Variants in FBXL17 observed in about 807,000 individuals in gnomAD.
FBXL17 encodes the protein F-box and leucine rich repeat protein 17.
A neutral mutation model predicts 66.2 loss-of-function variants in FBXL17; 22 were observed. The observed-to-expected ratio is 0.33, with a 90% CI of 0.24 to 0.47. The LOEUF (loss-of-function observed/expected upper bound fraction) is 0.47, where lower values mean the gene tolerates loss of function less well. FBXL17 is among the 20% of genes least tolerant of loss of function. FBXL17 has a pLI of 1.00. For synonymous variants in FBXL17, 474 were observed against 400.5 expected (o/e 1.18, Z -2.19); for missense variants, 878 against 948.2 (o/e 0.93, Z 0.97).
chr5:108,165,415 G>A (rs1220622663), intron 6 of FBXL17, among the ~76,000 whole-genome samples: 1 of 152,174 alleles, frequency 6.6e-6, no homozygotes, highest in Non-Finnish European at 1.5e-5. Flanking sequence ...AAAATCTACT[G>A]TGTGTATGCT....
At chr5:108,017,832 T>C (rs1265103672) in intron 7 of FBXL17, among the ~76,000 whole-genome samples, 1 of 152,192 alleles carries the variant, frequency 6.6e-6, no homozygotes, top group East Asian at 1.9e-4. Context: ...ACCATAAATA[T>C]CTATGTTCAG....
At chr5:108,071,104 A>G (rs1482928976) in intron 6 of FBXL17, among the ~76,000 whole-genome samples, 2 of 152,252 alleles carry the variant, frequency 1.3e-5, no homozygotes, top group Admixed American at 6.5e-5. Flanking sequence ...TGACAACAGT[A>G]TATGTTCACT....
chr5:108,305,236 C>T (rs1758780445), intron 4 of FBXL17, among the ~76,000 whole-genome samples: 1 of 152,022 alleles, frequency 6.6e-6, no homozygotes, highest in Non-Finnish European at 1.5e-5. Context: ...ACCACATGTT[C>T]TCACATATAG....
intron 4 of FBXL17, among the ~76,000 whole-genome samples, chr5:108,276,572 T>C (rs1441610691): frequency 6.6e-6 from 1 of 152,178 alleles, no homozygotes; most frequent in Non-Finnish European, 1.5e-5. Flanking sequence ...CTATTTATAA[T>C]GATCTCTGAC....
intron 5 of FBXL17, among the ~76,000 whole-genome samples, chr5:108,205,048 C>G (rs1441678431): frequency 6.6e-6 from 1 of 151,658 alleles, no homozygotes; most frequent in Non-Finnish European, 1.5e-5. Flanking sequence ...GCAGCTAGGA[C>G]CATAGCATGT....
intron 7 of FBXL17, among the ~76,000 whole-genome samples, chr5:107,960,074 G>A (rs986557382): frequency 6.6e-6 from 1 of 152,136 alleles, no homozygotes; most frequent in Non-Finnish European, 1.5e-5. Context: ...GAAATCCGGA[G>A]AACTCTGTGA....
chr5:107,949,639 A>C (rs1751434198), intron 7 of FBXL17, among the ~76,000 whole-genome samples: 1 of 152,168 alleles, frequency 6.6e-6, no homozygotes, highest in African/African-American at 2.4e-5. Context: ...CTGAATGATC[A>C]CCCTTTTAGA....
At chr5:107,888,226 T>C (rs1160264283) in intron 7 of FBXL17, among the ~76,000 whole-genome samples, 1 of 152,236 alleles carries the variant, frequency 6.6e-6, no homozygotes, top group Non-Finnish European at 1.5e-5. Flanking sequence ...GTTTGTTTCA[T>C]GTTAAAATTA....
intron 6 of FBXL17, among the ~76,000 whole-genome samples, chr5:108,080,344 T>C (rs1748714682): frequency 6.6e-6 from 1 of 152,216 alleles, no homozygotes; most frequent in African/African-American, 2.4e-5. Flanking sequence ...TTCAACCAAA[T>C]TGCCATCACG....
intron 4 of FBXL17, among the ~76,000 whole-genome samples, chr5:108,345,510 C>T (rs1470049751): frequency 6.6e-6 from 1 of 150,550 alleles, no homozygotes; most frequent in Non-Finnish European, 1.5e-5. Context: ...AAACTAGTGC[C>T]ACAAATAAAA....
In FBXL17 at chr5:108,381,155, G is replaced by A; in HGVS notation, c.537C>T (p.Phe179=). 2 of 1,410,406 alleles carry A rather than the reference G, an allele frequency of 1.4e-6. No homozygotes were observed. The highest frequency in any genetic ancestry group is 1.8e-6 in the Non-Finnish European group (2 of 1,084,438). The allele number at this position is 1,410,406 out of a possible 1,614,324, so 87.4% of individuals were successfully genotyped here. ...FLGPPAAVQL[F]RGPTPSPAEL... is the part of the protein sequence containing the mutation. ...CGGCCGGTGACGGTGTCGGCCCCCGGAAGAGCTGCACGGCGGCGGGCGGCC... is the reference window on the plus strand; with the variant it reads ...CGGCCGGTGACGGTGTCGGCCCCCGAAAGAGCTGCACGGCGGCGGGCGGCC... The change falls in exon 1 of 9, where the codon TTC becomes TTT. Residue 179 remains phenylalanine (F), a synonymous_variant. Transcript: ENST00000542267.
At chr5:107,891,409 G>A (rs1365796869) in intron 7 of FBXL17, among the ~76,000 whole-genome samples, 1 of 152,126 alleles carries the variant, frequency 6.6e-6, no homozygotes, top group Non-Finnish European at 1.5e-5. Context: ...AACTTTCAAC[G>A]AATTGCTCCA....
intron 6 of FBXL17, among the ~76,000 whole-genome samples, chr5:108,137,235 ACATT>A (rs1751169803): frequency 6.6e-6 from 1 of 152,190 alleles, no homozygotes; most frequent in African/African-American, 2.4e-5. Context: ...TTGTAAGTAT[ACATT>A]ATTTCATTCT....
At chr5:108,014,156 T>G (rs1754291478) in intron 7 of FBXL17, among the ~76,000 whole-genome samples, 1 of 152,166 alleles carries the variant, frequency 6.6e-6, no homozygotes, top group South Asian at 2.1e-4. Context: ...TAATTTCCTA[T>G]ACCTATAGAA....
chr5:107,869,727 T>G (rs1303007294), intron 8 of FBXL17, among the ~76,000 whole-genome samples: 1 of 152,154 alleles, frequency 6.6e-6, no homozygotes, highest in Non-Finnish European at 1.5e-5. Context: ...GAACTAGGAA[T>G]CCAGTGCCGC....
rs78292411 is a variant in FBXL17, at chr5:108,358,950, T to C, written c.1374+5788A>G. On this transcript the variant is annotated intron_variant, in intron 3 of 8. Coordinates refer to ENST00000542267, the MANE Select transcript of FBXL17 (RefSeq NM_001163315.3). The stretch of plus-strand genomic sequence containing the variant: ...TGCCCTAGCTGGAGTGCAGTGAATA[T>C]AGCTTCAGCCTCCTGGGCTCAAGCA... Among the ~76,000 whole-genome samples the C allele has an allele frequency of 1.8e-3, 268 of 152,152 alleles. 2 individuals are homozygous for C. The highest frequency in any genetic ancestry group is 6.2e-3 in the African/African-American group (258 of 41,544).
At chr5:107,994,230 A>C (rs574747449) in intron 7 of FBXL17, among the ~76,000 whole-genome samples, 1 of 152,314 alleles carries the variant, frequency 6.6e-6, no homozygotes, top group Admixed American at 6.5e-5. Context: ...TATTGATTTT[A>C]AAAATAAAAT....
At position 108,001,058 on chromosome 5, in the gene FBXL17, A is replaced by G. The variant is rs1470110298; in HGVS notation, c.1822+19867T>C. 2.0e-5 allele frequency among the ~76,000 whole-genome samples: 3 copies of G among 152,200 alleles called. No individual in the cohort carries two copies. The South Asian group carries it at 6.2e-4, about 32-fold the overall frequency. On this transcript the variant is annotated intron_variant, in intron 7 of 8. Coordinates refer to ENST00000542267, the MANE Select transcript of FBXL17 (RefSeq NM_001163315.3). ...TATTAAAATGATCTGCAAATATAAA[A>G]CTGTAAAGCAACTAATAATACTAAA... is the stretch of plus-strand genomic sequence containing the variant.
chr5:108,147,095 C>T (rs1751590570), intron 6 of FBXL17, among the ~76,000 whole-genome samples: 1 of 152,190 alleles, frequency 6.6e-6, no homozygotes, highest in South Asian at 2.1e-4. Context: ...CTGCCCTCAT[C>T]ACTTTAATCA....
Sources: allele counts gnomAD v4.1 joint callset (sites outside exome capture counted in the v4.1 genomes callset), GRCh38; gene constraint gnomAD v4.1.1; transcripts MANE v1.5; gene names NCBI Gene and HGNC (gene_info 2026-07-23, HGNC 2026-07-21).